Variants in NDST3 observed in about 807,000 individuals in gnomAD.
NDST3 encodes N-deacetylase and N-sulfotransferase 3.
A neutral mutation model predicts 96.1 loss-of-function variants in NDST3; 58 were observed. The ratio of observed to expected loss-of-function variants is 0.60; its 90% CI spans 0.49 to 0.75. The LOEUF is 0.75. Among genes scored for constraint, NDST3 ranks in the 30% least tolerant of loss-of-function variants. NDST3 has a pLI of 0.00. For synonymous variants in NDST3, 333 were observed against 359.7 expected, an observed-to-expected ratio of 0.93 and a Z score of 0.84; for missense variants, 788 against 1,034.2, an observed-to-expected ratio of 0.76 and a Z score of 3.27.
intron 12 of NDST3, among the ~76,000 whole-genome samples, chr4:118,253,236 T>C (rs1239688611): frequency 6.6e-6 from 1 of 152,196 alleles, no homozygotes; most frequent in East Asian, 1.9e-4. Context: ...TTTCTATTAA[T>C]AGGAGATGTG....
chr4:118,149,137 A>G (rs1464593413), intron 6 of NDST3, among the ~76,000 whole-genome samples: 1 of 152,182 alleles, frequency 6.6e-6, no homozygotes, highest in African/African-American at 2.4e-5. Context: ...TACCAGTACC[A>G]TGCTGTTTTG....
chr4:118,233,200 A>G (rs1326446803), intron 9 of NDST3, 65 bp downstream of exon 9: 7 of 1,273,886 alleles, frequency 5.5e-6, no homozygotes, highest in Non-Finnish European at 7.3e-6. Flanking sequence ...ACTTAGCACT[A>G]ATATTTAGAA....
intron 9 of NDST3, 48 bp downstream of exon 9, chr4:118,233,183 A>C: frequency 7.0e-7 from 1 of 1,434,738 alleles, no homozygotes; most frequent in Non-Finnish European, 9.4e-7. Flanking sequence ...TACTGTGCAC[A>C]GTATAAACTT....
At chr4:118,115,139 T>C (rs906573128) in intron 4 of NDST3, among the ~76,000 whole-genome samples, 179 bp downstream of exon 4, 1 of 152,192 alleles carries the variant, frequency 6.6e-6, no homozygotes, top group African/African-American at 2.4e-5. Flanking sequence ...CTCACCACTA[T>C]GCTTAATGTT....
intron 11 of NDST3, among the ~76,000 whole-genome samples, chr4:118,241,722 C>CACTG (rs1741018941): frequency 6.6e-6 from 1 of 152,308 alleles, no homozygotes; most frequent in African/African-American, 2.4e-5. Context: ...ATGACAGGAT[C>CACTG]ACTGCTTTGT....
At chr4:118,065,985 C>A (rs1284189193) in intron 2 of NDST3, among the ~76,000 whole-genome samples, 1 of 143,578 alleles carries the variant, frequency 7.0e-6, no homozygotes, top group Non-Finnish European at 1.5e-5. Context: ...ATTAGACCAA[C>A]TTGTTGAGGC....
At chr4:118,250,405 T>A (rs957292007) in intron 12 of NDST3, among the ~76,000 whole-genome samples, 1 of 152,242 alleles carries the variant, frequency 6.6e-6, no homozygotes, top group African/African-American at 2.4e-5. Flanking sequence ...TTGTATTTCC[T>A]TAATGATGAA....
At chr4:118,209,516 A>G (rs11723877) in intron 6 of NDST3, among the ~76,000 whole-genome samples, 17,340 of 152,284 alleles carry the variant, frequency 0.11, 1,323 homozygotes, top group South Asian at 0.2. Context: ...ATAGCAATGC[A>G]TTAAACCAAT....
intron 6 of NDST3, among the ~76,000 whole-genome samples, chr4:118,200,221 T>C (rs1737979069): frequency 6.6e-6 from 1 of 152,192 alleles, no homozygotes. Flanking sequence ...GAAGTCTACC[T>C]GGTGTTCTAT....
intron 4 of NDST3, among the ~76,000 whole-genome samples, chr4:118,125,498 CA>C (rs1165594657): frequency 2.0e-5 from 3 of 151,898 alleles, no homozygotes; most frequent in African/African-American, 7.3e-5. Context: ...AAATATTAAC[CA>C]AATTTATGTA....
At position 118,066,347 on chromosome 4, in the gene NDST3, TCA is replaced by T. The variant is rs1726452989; in HGVS notation, c.981+11457_981+11458del. Among the ~76,000 whole-genome samples, 7 of 71,856 alleles carry T rather than the reference TCA, an allele frequency of 9.7e-5. 2 individuals carry two copies. Among genetic ancestry groups the T allele is most frequent in the African/African-American group, 4.9e-4 (7 of 14,424 alleles). 47.1% of individuals were successfully genotyped at this position (71,856 alleles called of 152,430 possible). A position where few individuals can be genotyped will look rare whatever the true frequency, so the allele number is the denominator to read the frequency against. On this transcript the variant is annotated intron_variant, in intron 2 of 13. Transcript: ENST00000296499. The stretch of plus-strand genomic sequence containing the variant: ...TATTATGTATTATATATATTATATA[TCA>T]TATATCATATGTTATATATTATATA...
chr4:118,246,222 G>A (rs1159672610), intron 12 of NDST3, among the ~76,000 whole-genome samples: 2 of 152,044 alleles, frequency 1.3e-5, no homozygotes, highest in Admixed American at 1.3e-4. Context: ...CACTAAAATG[G>A]CTATAATCCA....
Position 118,226,640 on chromosome 4 carries a change from G to A in NDST3, c.1723-246G>A, listed in dbSNP as rs1003027197. ...GCCAATTAAACTCTTCATGCTATGA[G>A]ACTGTTTACCCAAAGTGGAAATACT... On this transcript the variant is annotated intron_variant, in intron 7 of 13. Transcript: ENST00000296499. Among the ~76,000 whole-genome samples, 18 of 152,046 alleles carry A rather than the reference G, an allele frequency of 1.2e-4. 1 individual carries two copies. The highest frequency in any genetic ancestry group is 1.1e-3 in the Admixed American group (17 of 15,268).
chr4:118,163,890 CTG>C (rs1401508505), intron 6 of NDST3, among the ~76,000 whole-genome samples: 4 of 152,234 alleles, frequency 2.6e-5, no homozygotes, highest in Admixed American at 6.5e-5. Flanking sequence ...TGCTTGTACA[CTG>C]TTGGTGGTAA....
chr4:118,080,781 T>G (rs562857546), intron 2 of NDST3, among the ~76,000 whole-genome samples: 76 of 152,170 alleles, frequency 5.0e-4, no homozygotes, highest in Admixed American at 2.2e-3. Context: ...GAATAATCTG[T>G]GTTTTCCATG....
chr4:118,236,746 G>A (rs2126003046), intron 9 of NDST3, among the ~76,000 whole-genome samples: 1 of 152,266 alleles, frequency 6.6e-6, no homozygotes, highest in South Asian at 2.1e-4. Context: ...AGACACATTT[G>A]ATATAGTTAG....
chr4:118,106,704 T>C (rs895513234), intron 3 of NDST3, among the ~76,000 whole-genome samples: 1 of 152,036 alleles, frequency 6.6e-6, no homozygotes, highest in African/African-American at 2.4e-5. Context: ...GATGGGAGGA[T>C]AACTTGAGCT....
intron 6 of NDST3, among the ~76,000 whole-genome samples, chr4:118,165,359 A>G (rs1050170226): frequency 6.6e-6 from 1 of 152,112 alleles, no homozygotes; most frequent in South Asian, 2.1e-4. Context: ...TTAAAAAGTC[A>G]ATTAACCAGG....
At chr4:118,068,132 A>T (rs1726747914) in intron 2 of NDST3, among the ~76,000 whole-genome samples, 1 of 149,588 alleles carries the variant, frequency 6.7e-6, no homozygotes, top group Non-Finnish European at 1.5e-5. Flanking sequence ...CTGGTCACTT[A>T]CATATGACAT....
Sources: allele counts gnomAD v4.1 joint callset (sites outside exome capture counted in the v4.1 genomes callset), GRCh38; gene constraint gnomAD v4.1.1; transcripts MANE v1.5; gene names NCBI Gene and HGNC (gene_info 2026-07-23, HGNC 2026-07-21).